The following KCNQ3 variants were observed in gnomAD, a reference collection of about 807,000 sequenced individuals.
The protein encoded by KCNQ3 is potassium voltage-gated channel subfamily KQT member 3.
A neutral mutation model predicts 92.5 loss-of-function variants in KCNQ3; 30 were observed. That is an observed-to-expected ratio of 0.32 (90% confidence interval 0.24 to 0.44). The LOEUF (loss-of-function observed/expected upper bound fraction) is 0.44, where lower values mean the gene tolerates loss of function less well. Among genes scored for constraint, KCNQ3 ranks in the 20% least tolerant of loss-of-function variants. KCNQ3 has a pLI of 1.00. For missense variants in KCNQ3, 913 were observed against 1,140.3 expected (o/e 0.80, Z 2.87); for synonymous variants, 450 against 468.8 (o/e 0.96, Z 0.52).
At chr8:132,180,072 G>C (rs1301857119) in intron 4 of KCNQ3, 85 bp downstream of exon 4, 1 of 1,432,034 alleles carries the variant, frequency 7.0e-7, no homozygotes, top group Non-Finnish European at 9.8e-7. Flanking sequence ...TGCCTTCTGG[G>C]GACACTGCAA....
rs542319015 is a variant in KCNQ3 at position 132,281,368 on chromosome 8, CAAG to C, written c.387-95190_387-95188del. Among the ~76,000 whole-genome samples the C allele has an allele frequency of 2.5e-4, 38 of 152,096 alleles. No individual in the cohort carries two copies. The South Asian group carries it at 7.7e-3, about 31-fold the overall frequency. ...CCCTTCCTCCTTTGCTACCTTATGA[CAAG>C]AAGGCAGCACTGAACTCCATAGAAA... On this transcript the variant is annotated intron_variant, in intron 1 of 14. Coordinates refer to ENST00000388996, the MANE Select transcript of KCNQ3 (RefSeq NM_004519.4).
intron 1 of KCNQ3, among the ~76,000 whole-genome samples, chr8:132,228,001 C>A (rs1814489153): frequency 6.6e-6 from 1 of 151,862 alleles, no homozygotes; most frequent in Non-Finnish European, 1.5e-5. Context: ...AAAAAAAAAC[C>A]CAATAAATCC....
At chr8:132,406,217 T>A (rs765584376) in intron 1 of KCNQ3, among the ~76,000 whole-genome samples, 2 of 152,062 alleles carry the variant, frequency 1.3e-5, no homozygotes, top group Non-Finnish European at 2.9e-5. Context: ...GGTGGGGTGG[T>A]GGTGAGGGTG....
At chr8:132,473,638 T>C (rs1393212612) in intron 1 of KCNQ3, among the ~76,000 whole-genome samples, 4 of 152,192 alleles carry the variant, frequency 2.6e-5, no homozygotes, top group Admixed American at 2.0e-4. Context: ...TGCTCTTAGT[T>C]TCACAAGAGC....
chr8:132,310,353 T>TTC (rs537955799), intron 1 of KCNQ3, among the ~76,000 whole-genome samples: 63 of 152,176 alleles, frequency 4.1e-4, no homozygotes, highest in African/African-American at 1.4e-3. Context: ...CATTGCAGGT[T>TTC]TCTCTCTCTC....
chr8:132,182,045 C>CAAA (rs796189262), intron 3 of KCNQ3, among the ~76,000 whole-genome samples: 5,587 of 91,302 alleles, frequency 0.061, 183 homozygotes, highest in Non-Finnish European at 0.093. Context: ...GACTCCGTCT[C>CAAA]AAAAAAAAAA....
chr8:132,433,979 C>T (rs907914763), intron 1 of KCNQ3, among the ~76,000 whole-genome samples: 26 of 152,130 alleles, frequency 1.7e-4, no homozygotes, highest in African/African-American at 6.0e-4. Flanking sequence ...GAGGCCGAGG[C>T]GGGCGGATCA....
In KCNQ3 at chr8:132,247,409, C is replaced by A. The variant is rs200402291; in HGVS notation, c.387-61228G>T. 1.8e-4 allele frequency among the ~76,000 whole-genome samples: 27 copies of A among 152,322 alleles called. 1 individual carries two copies. In the East Asian group the frequency reaches 5.2e-3, roughly 29 times the overall value. Reference sequence around the variant, plus strand: ...GTCCTGATTGAATCTCTCTACACCACAAAATAACCTTGTTATTATCCCTTA... The same window carrying A: ...GTCCTGATTGAATCTCTCTACACCAAAAAATAACCTTGTTATTATCCCTTA... On this transcript the variant is annotated intron_variant, in intron 1 of 14. Transcript: ENST00000388996.
At chr8:132,194,333 A>G (rs1413905128) in intron 1 of KCNQ3, among the ~76,000 whole-genome samples, 1 of 152,228 alleles carries the variant, frequency 6.6e-6, no homozygotes, top group African/African-American at 2.4e-5. Flanking sequence ...AAACTGCGTG[A>G]GGATCCTACT....
intron 1 of KCNQ3, among the ~76,000 whole-genome samples, chr8:132,373,085 C>T (rs1371621394): frequency 6.6e-6 from 1 of 152,200 alleles, no homozygotes; most frequent in Non-Finnish European, 1.5e-5. Flanking sequence ...CTCATCCCAT[C>T]TCCCTGCGCT....
chr8:132,295,857 G>A (rs1371303101), intron 1 of KCNQ3, among the ~76,000 whole-genome samples: 1 of 152,118 alleles, frequency 6.6e-6, no homozygotes, highest in African/African-American at 2.4e-5. Flanking sequence ...CACAGGGAGG[G>A]GAACAACATG....
intron 1 of KCNQ3, among the ~76,000 whole-genome samples, chr8:132,212,908 G>A (rs772194835): frequency 1.3e-5 from 2 of 152,140 alleles, no homozygotes; most frequent in African/African-American, 2.4e-5. Context: ...GGCAGGTGCC[G>A]CTGCACTTCC....
intron 1 of KCNQ3, among the ~76,000 whole-genome samples, chr8:132,446,497 C>T (rs1414838058): frequency 1.3e-5 from 2 of 152,120 alleles, no homozygotes; most frequent in African/African-American, 2.4e-5. Flanking sequence ...GTTCTTCGTC[C>T]TTTAAGCTGA....
chr8:132,234,097 TTA>T (rs1814726481), intron 1 of KCNQ3, among the ~76,000 whole-genome samples: 1 of 151,864 alleles, frequency 6.6e-6, no homozygotes, highest in African/African-American at 2.4e-5. Flanking sequence ...AAATAAAGGG[TTA>T]TGTCTGTAGT....
intron 9 of KCNQ3, among the ~76,000 whole-genome samples, chr8:132,159,028 G>T (rs775981844): frequency 1.3e-5 from 2 of 152,150 alleles, no homozygotes; most frequent in Admixed American, 6.5e-5. Flanking sequence ...GCAAGCAACT[G>T]CTGTCAACAC....
At chr8:132,427,578 C>T (rs1587009372) in intron 1 of KCNQ3, among the ~76,000 whole-genome samples, 1 of 152,202 alleles carries the variant, frequency 6.6e-6, no homozygotes, top group Non-Finnish European at 1.5e-5. Flanking sequence ...GCTGCATTTG[C>T]TCTCTGCAAC....
At chr8:132,183,825 G>C (rs1328340455) in intron 3 of KCNQ3, among the ~76,000 whole-genome samples, 1 of 152,204 alleles carries the variant, frequency 6.6e-6, no homozygotes, top group Non-Finnish European at 1.5e-5. Context: ...TGTAGAAGTA[G>C]ATTCTCAGCC....
chr8:132,433,451 C>T (rs575080630), intron 1 of KCNQ3, among the ~76,000 whole-genome samples: 5 of 152,346 alleles, frequency 3.3e-5, no homozygotes, highest in African/African-American at 1.2e-4. Context: ...ACAGCATTCT[C>T]ATTTCTGAAA....
Position 132,292,012 on chromosome 8 carries a change from T to A in KCNQ3, c.387-105831A>T, listed in dbSNP as rs192138973. ...AACAGCCCACCCCACCTTTATCCTATCTGAATGCCAGAAATTGTTCATTGC... is the reference window on the plus strand; with the variant it reads ...AACAGCCCACCCCACCTTTATCCTAACTGAATGCCAGAAATTGTTCATTGC... On this transcript the variant is annotated intron_variant, in intron 1 of 14. Coordinates refer to ENST00000388996, the MANE Select transcript of KCNQ3 (RefSeq NM_004519.4). Among the ~76,000 whole-genome samples the A allele has an allele frequency of 7.2e-5, 11 of 152,344 alleles. No individual in the cohort carries two copies. In the East Asian group the frequency reaches 1.2e-3, roughly 16 times the overall value.
Sources: allele counts gnomAD v4.1 joint callset (sites outside exome capture counted in the v4.1 genomes callset), GRCh38; gene constraint gnomAD v4.1.1; transcripts MANE v1.5; gene names NCBI Gene and HGNC (gene_info 2026-07-23, HGNC 2026-07-21).